LRRC37A: variants seen among roughly 807,000 people sequenced by gnomAD.
The protein encoded by LRRC37A is leucine-rich repeat-containing protein 37A.
LRRC37A carries 3 observed loss-of-function variants against 35.4 expected under a neutral mutation model. That is an observed-to-expected ratio of 0.08 (90% CI 0.04 to 0.22). The LOEUF (loss-of-function observed/expected upper bound fraction) is 0.22, where lower values mean the gene tolerates loss of function less well. Among genes scored for constraint, LRRC37A ranks in the 10% least tolerant of loss-of-function variants. The probability of loss-of-function intolerance (pLI) is 1.00; values close to 1 mark genes in which losing one functional copy is unlikely to be tolerated. For missense variants in LRRC37A, 67 were observed against 565.3 expected, an observed-to-expected ratio of 0.12 and a Z score of 8.94; for synonymous variants, 23 against 215.0, an observed-to-expected ratio of 0.11 and a Z score of 7.81.
the LRRC37A span, chr17:46,275,156 T>C: frequency 7.3e-6 from 2 of 273,882 alleles, no homozygotes; most frequent in East Asian, 1.5e-4. Context: ...CCTCCCAAAG[T>C]GCTGGGATTA....
the LRRC37A span, among the ~76,000 whole-genome samples, chr17:46,256,132 C>CACA: frequency 6.6e-6 from 1 of 152,094 alleles, no homozygotes; most frequent in South Asian, 2.1e-4. Context: ...CCCCTGAAAT[C>CACA]GCAGCACTTT....
At chr17:46,266,352 G>A in the LRRC37A span, among the ~76,000 whole-genome samples, 1 of 152,140 alleles carries the variant, frequency 6.6e-6, no homozygotes, top group African/African-American at 2.4e-5. Context: ...TAAAGTTTAG[G>A]CTGTGATGCT....
At chr17:46,291,985 A>AAAAAAAAAAAAAAAAAAAAAC (rs1360524355), upstream of LRRC37A, among the ~76,000 whole-genome samples, 3 of 76,588 alleles carry the variant, frequency 3.9e-5, no homozygotes, top group Non-Finnish European at 8.3e-5. Context: ...AAAAAAAAAA[A>AAAAAAAAAAAAAAAAAAAAAC]AAGCCAATAA....
chr17:46,255,363 C>CTT, the LRRC37A span, among the ~76,000 whole-genome samples: 115 of 126,326 alleles, frequency 9.1e-4, 1 homozygote, highest in South Asian at 2.7e-3. Flanking sequence ...TCCCCAAATT[C>CTT]TTTTTTTTTT....
the LRRC37A span, among the ~76,000 whole-genome samples, chr17:46,257,241 G>A: frequency 6.6e-6 from 1 of 151,884 alleles, no homozygotes; most frequent in Admixed American, 6.6e-5. Flanking sequence ...GAGGTCAGGA[G>A]TTCAAGACCA....
chr17:46,251,699 A>G, the LRRC37A span, among the ~76,000 whole-genome samples: 3 of 150,980 alleles, frequency 2.0e-5, no homozygotes, highest in African/African-American at 7.3e-5. Context: ...GATAGGCCAC[A>G]TTAAAATACT....
At chr17:46,282,415 TTG>T in the LRRC37A span, among the ~76,000 whole-genome samples, 12 of 124,362 alleles carry the variant, frequency 9.6e-5, no homozygotes, top group African/African-American at 1.3e-4. Flanking sequence ...AGTTTTTTGT[TTG>T]TTTTTTTTTT....
chr17:46,279,516 T>A, the LRRC37A span, among the ~76,000 whole-genome samples: 2 of 150,590 alleles, frequency 1.3e-5, no homozygotes, highest in African/African-American at 4.9e-5. Flanking sequence ...TTTTTTTTTT[T>A]TTTGAGATAG....
At chr17:46,255,927 A>G in the LRRC37A span, among the ~76,000 whole-genome samples, 21,271 of 150,812 alleles carry the variant, frequency 0.14, 2,062 homozygotes, top group Non-Finnish European at 0.21. Flanking sequence ...TGCCTGCCTC[A>G]GCCTCCCAAA....
chr17:46,284,901 G>A, the LRRC37A span, among the ~76,000 whole-genome samples: 649 of 152,200 alleles, frequency 4.3e-3, 10 homozygotes, highest in Middle Eastern at 0.017. Flanking sequence ...ACAGGGTCTC[G>A]CTCTGTCATC....
the LRRC37A span, among the ~76,000 whole-genome samples, chr17:46,280,342 C>G: frequency 6.6e-6 from 1 of 151,870 alleles, no homozygotes; most frequent in Non-Finnish European, 1.5e-5. Flanking sequence ...CCAGCCTGGG[C>G]AACAGAGTGA....
chr17:46,273,880 A>T, the LRRC37A span, among the ~76,000 whole-genome samples: 1 of 152,282 alleles, frequency 6.6e-6, no homozygotes, highest in East Asian at 1.9e-4. Context: ...AATGTCCTTC[A>T]TACAATATAA....
Position 46,314,525 on chromosome 17 carries a change from G to A in LRRC37A, c.2907-7797G>A, listed in dbSNP as rs796979045. On this transcript the variant is annotated intron_variant, in intron 5 of 13. Transcript: ENST00000320254. ...AGACGGGGTTTCAGCACGTTTATCC[G>A]TTTATCAGGCTGCTCTCGAACTCCT... is the stretch of plus-strand genomic sequence containing the variant. Among the ~76,000 whole-genome samples the A allele has an allele frequency of 3.0e-4, 24 of 79,992 alleles. 8 individuals are homozygous for A. The highest frequency in any genetic ancestry group is 9.7e-4 in the East Asian group (4 of 4,124). 52.5% of individuals were successfully genotyped at this position (79,992 alleles called of 152,430 possible).
the LRRC37A span, among the ~76,000 whole-genome samples, chr17:46,266,801 G>A: frequency 6.6e-6 from 1 of 151,842 alleles, no homozygotes; most frequent in Non-Finnish European, 1.5e-5. Flanking sequence ...CTTCCGTGAG[G>A]CCGCACACGC....
upstream of LRRC37A, among the ~76,000 whole-genome samples, chr17:46,288,696 C>CTTTTTTTTTTTTTTTTTTTTTTTTTT (rs2049984588): frequency 6.8e-6 from 1 of 148,012 alleles, no homozygotes. Context: ...TTTACTGCAT[C>CTTTTTTTTTTTTTTTTTTTTTTTTTT]TTGTTTTTTC....
At chr17:46,267,284 G>A in the LRRC37A span, 7 of 1,174,604 alleles carry the variant, frequency 6.0e-6, no homozygotes, top group Middle Eastern at 2.0e-4. Flanking sequence ...CAGGGACTGG[G>A]AGAGGAACTG....
chr17:46,289,502 AT>A (rs1253510088), upstream of LRRC37A, among the ~76,000 whole-genome samples: 3 of 151,880 alleles, frequency 2.0e-5, no homozygotes, highest in African/African-American at 7.2e-5. Context: ...CTGACTTAAA[AT>A]TTTTTTAAAA....
the LRRC37A span, among the ~76,000 whole-genome samples, chr17:46,276,946 G>A: frequency 3.2e-4 from 49 of 152,042 alleles, no homozygotes; most frequent in Non-Finnish European, 2.1e-4. Context: ...TGGGACTACA[G>A]GCACGTGCCA....
the LRRC37A span, among the ~76,000 whole-genome samples, chr17:46,271,227 A>G: frequency 0.15 from 21,624 of 146,944 alleles, 1,965 homozygotes; most frequent in Middle Eastern, 0.23. Flanking sequence ...GTGTAATGGC[A>G]TGATGTCAGC....
Sources: gnomAD v4.1 joint callset for allele counts (sites outside exome capture counted in the v4.1 genomes callset) on GRCh38, gnomAD v4.1.1 for gene constraint, MANE v1.5 for transcripts, NCBI Gene and HGNC (gene_info 2026-07-23, HGNC 2026-07-21) for gene names.